PRSS48: variants seen among roughly 807,000 people sequenced by gnomAD.
PRSS48 encodes the protein serine protease 48.
In PRSS48, 21 loss-of-function variants were observed where a neutral mutation model predicts 25.6. The ratio of observed to expected loss-of-function variants is 0.82; its 90% CI spans 0.58 to 1.18. PRSS48 has a LOEUF of 1.18. Ranked by LOEUF, PRSS48 falls within the 50% of genes most tolerant of loss-of-function variation. The pLI, the probability that PRSS48 is intolerant of heterozygous loss-of-function variation, is 0.00. For missense variants in PRSS48, 373 were observed against 399.3 expected (o/e 0.93, Z 0.56); for synonymous variants, 150 against 149.3 (o/e 1.00, Z -0.04).
At chr4:151,282,557 A>C in intron 3 of PRSS48, 144 bp downstream of exon 3, 2 of 827,738 alleles carry the variant, frequency 2.4e-6, no homozygotes, top group Non-Finnish European at 3.6e-6. Context: ...AAGTTTTTAA[A>C]TAAAATATCT....
At chr4:151,291,048 C>A in intron 4 of PRSS48, 70 bp from the exon 5 acceptor site, 1 of 1,221,920 alleles carries the variant, frequency 8.2e-7, no homozygotes, top group Non-Finnish European at 1.1e-6. Context: ...AAGAATTCTC[C>A]ACCCCTTATT....
intron 4 of PRSS48, among the ~76,000 whole-genome samples, chr4:151,285,611 A>G (rs1277494062): frequency 3.3e-5 from 5 of 152,202 alleles, no homozygotes; most frequent in South Asian, 2.1e-4. Context: ...GTTAAACAAT[A>G]TATCTCAAAT....
intron 4 of PRSS48, among the ~76,000 whole-genome samples, chr4:151,287,669 A>AG (rs1774945447): frequency 6.6e-6 from 1 of 152,120 alleles, no homozygotes; most frequent in Non-Finnish European, 1.5e-5. Flanking sequence ...CCAAGACGGG[A>AG]GGATCACTTG....
At chr4:151,278,653 C>T (rs1206849994) in intron 1 of PRSS48, among the ~76,000 whole-genome samples, 1 of 152,014 alleles carries the variant, frequency 6.6e-6, no homozygotes, top group Non-Finnish European at 1.5e-5. Flanking sequence ...TCTTTTCAGA[C>T]AGGGTCTCAC....
At chr4:151,288,677 AAAAAAAG>A (rs990185723) in intron 4 of PRSS48, among the ~76,000 whole-genome samples, 2 of 152,184 alleles carry the variant, frequency 1.3e-5, no homozygotes, top group Non-Finnish European at 1.5e-5. Flanking sequence ...CTGTCTTAAA[AAAAAAAG>A]AAAAAAGAAA....
At chr4:151,288,337 T>A (rs1775017929) in intron 4 of PRSS48, among the ~76,000 whole-genome samples, 1 of 152,134 alleles carries the variant, frequency 6.6e-6, no homozygotes. Flanking sequence ...TAAAACTATC[T>A]CTAGTCACAG....
exon 2 of PRSS48, chr4:151,279,827 T>G: frequency 5.0e-6 from 8 of 1,613,882 alleles, no homozygotes; most frequent in Non-Finnish European, 5.9e-6. Context: ...CCAGCCGCGT[T>G]GTAGGTGGCC....
chr4:151,286,349 G>A (rs1264855193), intron 4 of PRSS48, among the ~76,000 whole-genome samples: 1 of 150,214 alleles, frequency 6.7e-6, no homozygotes, highest in Non-Finnish European at 1.5e-5. Context: ...AAAAACTTTA[G>A]CTAAACTGAG....
chr4:151,282,300 A>G, exon 3 of PRSS48: 1 of 1,613,910 alleles, frequency 6.2e-7, no homozygotes, highest in Non-Finnish European at 8.5e-7. Context: ...CTGTCCTCTC[A>G]AGTCACCTTC....
intron 4 of PRSS48, among the ~76,000 whole-genome samples, chr4:151,285,933 A>G (rs1160639491): frequency 1.3e-5 from 2 of 151,742 alleles, no homozygotes; most frequent in African/African-American, 2.4e-5. Context: ...GATGGCACAT[A>G]CCTGTAATCG....
At chr4:151,278,419 G>C (rs55886318) in intron 1 of PRSS48, among the ~76,000 whole-genome samples, 52,156 of 149,266 alleles carry the variant, frequency 0.35, 10,128 homozygotes, top group Non-Finnish European at 0.46. Flanking sequence ...AGGTGTGGTT[G>C]AACCACACCT....
chr4:151,291,188 G>C (rs368365096), exon 5 of PRSS48: 1 of 1,613,948 alleles, frequency 6.2e-7, no homozygotes, highest in South Asian at 1.1e-5. Flanking sequence ...GTAAGCTGGG[G>C]ATTAGAATGT....
intron 2 of PRSS48, among the ~76,000 whole-genome samples, chr4:151,281,766 TAAA>T (rs1774259201): frequency 6.6e-6 from 1 of 152,164 alleles, no homozygotes; most frequent in Non-Finnish European, 1.5e-5. Flanking sequence ...TATTTTGCTT[TAAA>T]ATTTTATTCA....
At chr4:151,282,150 C>A in exon 3 of PRSS48, 1 of 1,613,618 alleles carries the variant, frequency 6.2e-7, no homozygotes, top group East Asian at 2.2e-5. Context: ...CCCCATAGGA[C>A]CTGGACTACT....
intron 4 of PRSS48, among the ~76,000 whole-genome samples, chr4:151,284,478 T>A (rs149340333): frequency 7.3e-4 from 111 of 152,350 alleles, no homozygotes; most frequent in African/African-American, 2.5e-3. Context: ...AGCTGTATAT[T>A]ATAAATATTT....
chr4:151,288,081 G>C (rs962424331), intron 4 of PRSS48, among the ~76,000 whole-genome samples: 2 of 151,088 alleles, frequency 1.3e-5, no homozygotes, highest in Admixed American at 1.3e-4. Context: ...AACGCTTCAC[G>C]TTAAAAAAAA....
exon 5 of PRSS48, chr4:151,291,341 C>T: frequency 6.2e-7 from 1 of 1,613,924 alleles, no homozygotes; most frequent in Non-Finnish European, 8.5e-7. Context: ...CTGCGTCCCT[C>T]CTGTGCCTTT....
intron 2 of PRSS48, 24 bp from the exon 3 acceptor site, chr4:151,282,124 A>G: frequency 6.2e-7 from 1 of 1,611,184 alleles, no homozygotes; most frequent in Non-Finnish European, 8.5e-7. Flanking sequence ...GGCCATAAGC[A>G]GGCCTCCTTT....
chr4:151,283,413 T>C, intron 4 of PRSS48, 127 bp downstream of exon 4: 2 of 743,096 alleles, frequency 2.7e-6, no homozygotes, highest in South Asian at 2.0e-5. Context: ...ACTCTTATGT[T>C]ACCCTGGACA....
Sources: gnomAD v4.1 joint callset for allele counts (sites outside exome capture counted in the v4.1 genomes callset) on GRCh38, gnomAD v4.1.1 for gene constraint, MANE v1.5 for transcripts, NCBI Gene and HGNC (gene_info 2026-07-23, HGNC 2026-07-21) for gene names.